The following GRIN2A variants were observed in gnomAD, a reference collection of about 807,000 sequenced individuals.
The protein encoded by GRIN2A is glutamate ionotropic receptor NMDA type subunit 2A, also known as glutamate receptor ionotropic, NMDA 2A.
GRIN2A carries 22 observed loss-of-function variants against 113.4 expected under a neutral mutation model. The ratio of observed to expected loss-of-function variants is 0.19; its 90% confidence interval spans 0.14 to 0.28. GRIN2A has a LOEUF of 0.28. Ranked by LOEUF, GRIN2A falls within the 10% of genes least tolerant of loss-of-function variation. The probability of loss-of-function intolerance (pLI) is 1.00; values close to 1 mark genes in which losing one functional copy is unlikely to be tolerated. For missense variants in GRIN2A, 1,502 were observed against 1,887.0 expected (o/e 0.80, Z 3.78); for synonymous variants, 827 against 738.4 (o/e 1.12, Z -1.94).
chr16:9,762,705 G>T lies in GRIN2A; in HGVS notation c.*444C>A, dbSNP rs564666037. ...TCTTAACTGTTTTTATTTTGTCTGT[G>T]TCAGGTTTACATGCACACCATATTG... On this transcript the variant is annotated 3_prime_UTR_variant, in exon 13 of 13. Coordinates refer to ENST00000330684, the MANE Select transcript of GRIN2A (RefSeq NM_001134407.3). 3.4e-6 allele frequency: 1 copy of T among 294,744 alleles called. No individual in the cohort carries two copies. The highest frequency in any genetic ancestry group is 5.1e-5 in the East Asian group (1 of 19,744). The allele number at this position is 294,744 out of a possible 1,614,324, so 18.3% of individuals were successfully genotyped here.
At chr16:9,839,016 T>C (rs1455028181) in intron 7 of GRIN2A, among the ~76,000 whole-genome samples, 3 of 152,174 alleles carry the variant, frequency 2.0e-5, no homozygotes, top group Non-Finnish European at 4.4e-5. Context: ...AATTCGTCCA[T>C]ATAACCAAAA....
Position 10,134,448 on chromosome 16 carries a change from C to T in GRIN2A, c.414+45550G>A, listed in dbSNP as rs138689352. ...ACAATGAGAACACTTGGACAGAAGG[C>T]GGGGAATATCACACACCGGGGCCTG... is the stretch of plus-strand genomic sequence containing the variant. On this transcript the variant is annotated intron_variant, in intron 2 of 12. Coordinates refer to ENST00000330684, the MANE Select transcript of GRIN2A (RefSeq NM_001134407.3). Among the ~76,000 whole-genome samples the T allele has an allele frequency of 8.2e-3, 885 of 108,468 alleles. 6 individuals are homozygous for T. Among genetic ancestry groups the T allele is most frequent in the Non-Finnish European group, 0.01 (575 of 57,056 alleles). 71.2% of individuals were successfully genotyped at this position (108,468 alleles called of 152,430 possible).
intron 3 of GRIN2A, among the ~76,000 whole-genome samples, chr16:9,893,164 A>G (rs977733583): frequency 6.6e-6 from 1 of 152,218 alleles, no homozygotes; most frequent in Admixed American, 6.5e-5. Flanking sequence ...CATTCGGGTC[A>G]TTGAAAATCA....
At chr16:10,002,062 G>A (rs571001884) in intron 2 of GRIN2A, among the ~76,000 whole-genome samples, 31 of 152,142 alleles carry the variant, frequency 2.0e-4, no homozygotes, top group Non-Finnish European at 2.6e-4. Context: ...TACCACTAGA[G>A]AAAAAGCTAT....
intron 2 of GRIN2A, among the ~76,000 whole-genome samples, chr16:10,147,958 G>A (rs573495918): frequency 4.5e-4 from 68 of 152,262 alleles, no homozygotes; most frequent in Admixed American, 1.0e-3. Context: ...AAATCCACAG[G>A]ACAATTCTCA....
chr16:10,123,613 G>A (rs933346450), intron 2 of GRIN2A, among the ~76,000 whole-genome samples: 1 of 152,140 alleles, frequency 6.6e-6, no homozygotes, highest in Non-Finnish European at 1.5e-5. Flanking sequence ...AATCGCCGAG[G>A]GATCTTGTTA....
At chr16:9,823,252 T>G (rs554934152) in intron 9 of GRIN2A, among the ~76,000 whole-genome samples, 1 of 152,290 alleles carries the variant, frequency 6.6e-6, no homozygotes, top group Admixed American at 6.5e-5. Flanking sequence ...GAAATACAGC[T>G]AAACACTAGA....
chr16:9,924,014 C>T (rs2044405693), intron 3 of GRIN2A, among the ~76,000 whole-genome samples: 1 of 149,184 alleles, frequency 6.7e-6, no homozygotes, highest in African/African-American at 2.5e-5. Flanking sequence ...GTAATCCCAG[C>T]TACTCAGGAG....
At chr16:10,038,860 A>AAAAAC (rs1444387933) in intron 2 of GRIN2A, among the ~76,000 whole-genome samples, 1 of 138,638 alleles carries the variant, frequency 7.2e-6, no homozygotes, top group African/African-American at 2.7e-5. Flanking sequence ...AAAAAAAACA[A>AAAAAC]AAAACAAAAC....
At position 10,012,840 on chromosome 16, in the gene GRIN2A, AC is replaced by A. The variant is rs1171697813; in HGVS notation, c.415-74290del. Among the ~76,000 whole-genome samples the A allele has an allele frequency of 2.0e-5, 3 of 152,336 alleles. No individual in the cohort carries two copies. The East Asian group carries it at 5.8e-4, about 29-fold the overall frequency. On this transcript the variant is annotated intron_variant, in intron 2 of 12. Transcript: ENST00000330684. Reference sequence around the variant, plus strand: ...AACACCTTGATTTTAGCTCCATGAGACCCATTTCAGCTTTCTGACCTGCAGA... The same window carrying A: ...AACACCTTGATTTTAGCTCCATGAGACCATTTCAGCTTTCTGACCTGCAGA...
chr16:10,163,132 G>A (rs2049837814), intron 2 of GRIN2A, among the ~76,000 whole-genome samples: 1 of 152,172 alleles, frequency 6.6e-6, no homozygotes, highest in South Asian at 2.1e-4. Context: ...AACAGGAATT[G>A]TTTGGGAATC....
chr16:9,812,250 G>C (rs1276518518), intron 10 of GRIN2A, among the ~76,000 whole-genome samples: 1 of 152,164 alleles, frequency 6.6e-6, no homozygotes, highest in Non-Finnish European at 1.5e-5. Context: ...ATATAGGTTT[G>C]TCATGATGTT....
At chr16:9,875,245 T>C (rs2315272) in intron 4 of GRIN2A, among the ~76,000 whole-genome samples, 52,229 of 151,796 alleles carry the variant, frequency 0.34, 10,126 homozygotes, top group African/African-American at 0.54. Flanking sequence ...ATTTTTTTTA[T>C]AACATATGGG....
intron 2 of GRIN2A, among the ~76,000 whole-genome samples, chr16:9,987,348 C>T (rs2045998109): frequency 6.6e-6 from 1 of 152,156 alleles, no homozygotes; most frequent in East Asian, 1.9e-4. Flanking sequence ...AACTCACTCC[C>T]ATTTATAACT....
intron 11 of GRIN2A, among the ~76,000 whole-genome samples, chr16:9,782,340 A>T (rs572341590): frequency 1.3e-5 from 2 of 152,322 alleles, no homozygotes; most frequent in East Asian, 3.9e-4. Context: ...ATGCTACACC[A>T]TTTTATATCA....
intron 8 of GRIN2A, among the ~76,000 whole-genome samples, chr16:9,831,568 T>G (rs1020998172): frequency 6.7e-6 from 1 of 149,810 alleles, no homozygotes; most frequent in Admixed American, 6.7e-5. Context: ...CAGGCTGCAG[T>G]GCAGTGGCAC....
chr16:10,163,334 C>A (rs750906342), intron 2 of GRIN2A, among the ~76,000 whole-genome samples: 1 of 152,176 alleles, frequency 6.6e-6, no homozygotes, highest in Non-Finnish European at 1.5e-5. Context: ...TTTCTGTTTT[C>A]ATATTTTAGG....
chr16:10,045,477 G>A (rs2047242378), intron 2 of GRIN2A, among the ~76,000 whole-genome samples: 1 of 151,958 alleles, frequency 6.6e-6, no homozygotes, highest in South Asian at 2.1e-4. Context: ...CACTGCTCTG[G>A]CTACGTGAGA....
chr16:10,078,472 A>G (rs769065291), intron 2 of GRIN2A, among the ~76,000 whole-genome samples: 6 of 54,166 alleles, frequency 1.1e-4, no homozygotes, highest in Non-Finnish European at 2.1e-4. Flanking sequence ...ACAAGGGGGG[A>G]AAAGCAGAGT....
Sources: gnomAD v4.1 joint callset for allele counts (sites outside exome capture counted in the v4.1 genomes callset) on GRCh38, gnomAD v4.1.1 for gene constraint, MANE v1.5 for transcripts, NCBI Gene and HGNC (gene_info 2026-07-23, HGNC 2026-07-21) for gene names.